MALT1: variants seen among roughly 807,000 people sequenced by gnomAD.
The protein encoded by MALT1 is mucosa-associated lymphoid tissue lymphoma translocation protein 1.
A neutral mutation model predicts 85.5 loss-of-function variants in MALT1; 36 were observed. The ratio of observed to expected loss-of-function variants is 0.42; its 90% CI spans 0.32 to 0.56. MALT1 has a LOEUF of 0.56. Among genes scored for constraint, MALT1 ranks in the 20% least tolerant of loss-of-function variants. MALT1 has a pLI of 0.10. For missense variants in MALT1, 716 were observed against 981.6 expected, an observed-to-expected ratio of 0.73 and a Z score of 3.62; for synonymous variants, 359 against 361.3, an observed-to-expected ratio of 0.99 and a Z score of 0.07.
At position 58,722,856 on chromosome 18, in the gene MALT1, T is replaced by C. The variant is rs575276513; in HGVS notation, c.1019-192T>C. Among the ~76,000 whole-genome samples, 6 of 152,362 alleles carry C rather than the reference T, an allele frequency of 3.9e-5. No individual in the cohort carries two copies. The South Asian group carries it at 8.3e-4, about 21-fold the overall frequency. ...ATGCTTAATTTCAGTTTGATGATTT[T>C]AGCATCTGTGTTCCTCAGAGAATAT... On this transcript the variant is annotated intron_variant, in intron 9 of 16. Transcript: ENST00000649217.
At chr18:58,678,543 C>A (rs1459447270) in intron 1 of MALT1, among the ~76,000 whole-genome samples, 1 of 151,978 alleles carries the variant, frequency 6.6e-6, no homozygotes, top group Non-Finnish European at 1.5e-5. Flanking sequence ...TTGGATAAGG[C>A]AGCTTTTCTT....
In MALT1 at chr18:58,700,611, GA is replaced by G; in HGVS notation, c.649+22del. ...TCCAGAGTAAGTAACGAAAGAAGCTGAATGTTGGGATGGGGATTCCCCATAT... is the reference window on the plus strand; with the variant it reads ...TCCAGAGTAAGTAACGAAAGAAGCTGATGTTGGGATGGGGATTCCCCATAT... On this transcript the variant is annotated intron_variant, in intron 4 of 16. Coordinates refer to ENST00000649217, the MANE Select transcript of MALT1 (RefSeq NM_006785.4). 6.4e-7 allele frequency: 1 copy of G among 1,569,078 alleles called. No individual in the cohort carries two copies. The highest frequency in any genetic ancestry group is 8.6e-7 in the Non-Finnish European group (1 of 1,164,510).
chr18:58,722,980 C>A, intron 9 of MALT1, 68 bp from the exon 10 acceptor site: 1 of 986,102 alleles, frequency 1.0e-6, no homozygotes. Context: ...TATTATAATA[C>A]CATCTCCATA....
chr18:58,737,844 A>T (rs1199283851), intron 13 of MALT1, among the ~76,000 whole-genome samples: 1 of 152,152 alleles, frequency 6.6e-6, no homozygotes, highest in Non-Finnish European at 1.5e-5. Flanking sequence ...CAGCCTCCCA[A>T]AGTTCTGGGA....
intron 13 of MALT1, among the ~76,000 whole-genome samples, chr18:58,738,861 C>T (rs950565706): frequency 1.3e-5 from 2 of 151,986 alleles, no homozygotes. Context: ...TGATATAATA[C>T]TAGCGAGGAC....
chr18:58,695,050 T>C (rs1196552387), intron 2 of MALT1, among the ~76,000 whole-genome samples: 1 of 152,134 alleles, frequency 6.6e-6, no homozygotes, highest in Non-Finnish European at 1.5e-5. Context: ...ATAAGTCTTA[T>C]GAGATCTGAT....
chr18:58,700,598 A>T lies in MALT1; in HGVS notation c.649+7A>T. Reference sequence around the variant, plus strand: ...ATCCCAGAGAGCTTCCAGAGTAAGTAACGAAAGAAGCTGAATGTTGGGATG... The same window carrying T: ...ATCCCAGAGAGCTTCCAGAGTAAGTTACGAAAGAAGCTGAATGTTGGGATG... On this transcript the variant is annotated splice_region_variant and intron_variant, in intron 4 of 16. Transcript: ENST00000649217. 6.3e-7 allele frequency: 1 copy of T among 1,583,306 alleles called. No homozygotes were observed.
chr18:58,693,235 A>G (rs1568129935), intron 2 of MALT1, among the ~76,000 whole-genome samples: 1 of 152,168 alleles, frequency 6.6e-6, no homozygotes, highest in African/African-American at 2.4e-5. Flanking sequence ...AGCCTGGGCA[A>G]CATGGTGAAA....
chr18:58,691,338 A>G (rs1033009746), intron 2 of MALT1: 1 of 858,922 alleles, frequency 1.2e-6, no homozygotes, highest in Non-Finnish European at 1.8e-6. Flanking sequence ...GGCCAAGATG[A>G]TCCTGTTTGC....
At position 58,733,794 on chromosome 18, in the gene MALT1, G is replaced by A. The variant is rs1568151398; in HGVS notation, c.1400+220G>A. On this transcript the variant is annotated intron_variant, in intron 11 of 16. Coordinates refer to ENST00000649217, the MANE Select transcript of MALT1 (RefSeq NM_006785.4). The stretch of plus-strand genomic sequence containing the variant: ...ATAGAACACAAATGAAGAACTAAAG[G>A]GCATGGGCATTTACTCACACTACAG... The A allele has an allele frequency of 4.9e-6, 4 of 822,514 alleles. No individual in the cohort carries two copies. The African/African-American group carries it at 6.9e-5, about 14-fold the overall frequency. The allele number at this position is 822,514 out of a possible 1,614,324, so 51.0% of individuals were successfully genotyped here.
chr18:58,705,275 A>G (rs932686906), intron 4 of MALT1, among the ~76,000 whole-genome samples: 1 of 147,638 alleles, frequency 6.8e-6, no homozygotes. Context: ...CTTTTGAGCA[A>G]TCTTGTAAAA....
At chr18:58,675,089 G>A (rs1280051268) in intron 1 of MALT1, among the ~76,000 whole-genome samples, 1 of 152,204 alleles carries the variant, frequency 6.6e-6, no homozygotes, top group Non-Finnish European at 1.5e-5. Context: ...ACCCGGCCCT[G>A]ATTCCATTCA....
intron 2 of MALT1, among the ~76,000 whole-genome samples, chr18:58,689,753 G>A (rs1423939999): frequency 2.0e-5 from 3 of 152,218 alleles, no homozygotes; most frequent in African/African-American, 7.2e-5. Flanking sequence ...AAACCTGGAT[G>A]ATGAGGAAAG....
At chr18:58,729,679 T>A (rs897991904) in intron 10 of MALT1, among the ~76,000 whole-genome samples, 1 of 152,162 alleles carries the variant, frequency 6.6e-6, no homozygotes, top group African/African-American at 2.4e-5. Flanking sequence ...AGATTGTGTA[T>A]ATGAAAGTCC....
intron 2 of MALT1, among the ~76,000 whole-genome samples, chr18:58,692,412 C>CTCTCTCTG: frequency 3.1e-5 from 1 of 32,092 alleles, no homozygotes; most frequent in South Asian, 7.9e-4. Flanking sequence ...CCATTCCTCT[C>CTCTCTCTG]TCTCTCTCTC....
At chr18:58,720,874 G>A (rs1057294233) in intron 9 of MALT1, among the ~76,000 whole-genome samples, 6 of 152,116 alleles carry the variant, frequency 3.9e-5, no homozygotes, top group African/African-American at 1.2e-4. Flanking sequence ...GTAAACCTAT[G>A]ATTTGGACTA....
Position 58,683,767 on chromosome 18 carries a change from T to G in MALT1, c.376+2431T>G, listed in dbSNP as rs370868333. Among the ~76,000 whole-genome samples, 6 of 152,336 alleles carry G rather than the reference T, an allele frequency of 3.9e-5. No homozygotes were observed. In the East Asian group the frequency reaches 1.2e-3, roughly 29 times the overall value. On this transcript the variant is annotated intron_variant, in intron 2 of 16. Transcript: ENST00000649217. ...TATCAGTGTTCCCCAGTGAAGATTA[T>G]CCTGATGATATTTGGCTTACAGACT...
At chr18:58,746,719 ATAAAACCAGGTT>A (rs2055371973) in intron 16 of MALT1, among the ~76,000 whole-genome samples, 1 of 148,988 alleles carries the variant, frequency 6.7e-6, no homozygotes, top group Non-Finnish European at 1.5e-5. Flanking sequence ...TAAAACTGGT[ATAAAACCAGGTT>A]TTTTTTTTTG....
intron 2 of MALT1, among the ~76,000 whole-genome samples, chr18:58,687,924 A>G (rs1336212168): frequency 6.6e-6 from 1 of 152,254 alleles, no homozygotes; most frequent in African/African-American, 2.4e-5. Flanking sequence ...CCAGGCTTAC[A>G]GGAAATCAAG....
Sources: gnomAD v4.1 joint callset for allele counts (sites outside exome capture counted in the v4.1 genomes callset) on GRCh38, gnomAD v4.1.1 for gene constraint, MANE v1.5 for transcripts, NCBI Gene and HGNC (gene_info 2026-07-23, HGNC 2026-07-21) for gene names.